Variants in IL6ST observed in about 807,000 individuals in gnomAD.
The protein encoded by IL6ST is interleukin 6 cytokine family signal transducer, also known as interleukin-6 receptor subunit beta.
In IL6ST, 24 loss-of-function variants were observed where a neutral mutation model predicts 91.3. That is an observed-to-expected ratio of 0.26 (90% CI 0.19 to 0.37). IL6ST has a LOEUF of 0.37. Ranked by LOEUF, IL6ST falls within the 10% of genes least tolerant of loss-of-function variation. The probability of loss-of-function intolerance (pLI) is 1.00; values close to 1 mark genes in which losing one functional copy is unlikely to be tolerated. For missense variants in IL6ST, 914 were observed against 1,078.5 expected (o/e 0.85, Z 2.14); for synonymous variants, 351 against 373.6 (o/e 0.94, Z 0.70).
intron 3 of IL6ST, among the ~76,000 whole-genome samples, chr5:55,972,776 G>A (rs1753036024): frequency 6.6e-6 from 1 of 152,090 alleles, no homozygotes; most frequent in African/African-American, 2.4e-5. Flanking sequence ...AGGCCGAGGT[G>A]GATGGATCAC....
chr5:55,955,927 G>C (rs1751927991), intron 10 of IL6ST, 98 bp downstream of exon 10: 1 of 673,850 alleles, frequency 1.5e-6, no homozygotes, highest in Non-Finnish European at 2.7e-6. Flanking sequence ...ATACTGAGGA[G>C]ACAGTCTTAG....
chr5:55,985,520 CA>C (rs34568464), intron 1 of IL6ST, among the ~76,000 whole-genome samples: 162 of 131,186 alleles, frequency 1.2e-3, no homozygotes, highest in Middle Eastern at 8.2e-3. Context: ...GACTCCTTCT[CA>C]AAAAAAAAAA....
chr5:55,953,191 A>C (rs1464363994), intron 11 of IL6ST, among the ~76,000 whole-genome samples: 2 of 152,206 alleles, frequency 1.3e-5, no homozygotes, highest in Non-Finnish European at 2.9e-5. Context: ...TTATACCTTC[A>C]ATAAGAATGT....
At chr5:55,969,502 G>A (rs745370722) in intron 4 of IL6ST, 48 bp downstream of exon 4, 1 of 1,255,958 alleles carries the variant, frequency 8.0e-7, no homozygotes, top group Non-Finnish European at 1.1e-6. Context: ...TAAAAATGCA[G>A]TTCAATAGTC....
At chr5:55,977,623 C>T (rs1453378156) in intron 2 of IL6ST, among the ~76,000 whole-genome samples, 4 of 151,938 alleles carry the variant, frequency 2.6e-5, no homozygotes, top group African/African-American at 9.7e-5. Context: ...GTCAGGAGTT[C>T]GAGACGAGCC....
chr5:55,990,776 G>A (rs577953894), intron 1 of IL6ST, among the ~76,000 whole-genome samples: 1 of 151,986 alleles, frequency 6.6e-6, no homozygotes, highest in African/African-American at 2.4e-5. Flanking sequence ...TTAAGTTCTA[G>A]GGTACATGTG....
chr5:55,944,607 T>A (rs1238427306), intron 15 of IL6ST: 38 of 625,650 alleles, frequency 6.1e-5, no homozygotes, highest in Non-Finnish European at 4.1e-5. Flanking sequence ...GCGTTAAGAC[T>A]GCAGTTCTCT....
Position 55,951,461 on chromosome 5 carries a change from T to A in IL6ST, c.1840+3A>T. On this transcript the variant is annotated splice_donor_region_variant and intron_variant, in intron 14 of 16. Coordinates refer to ENST00000381298, the MANE Select transcript of IL6ST (RefSeq NM_002184.4). ...AAAAAAACCAAACTTCATTATTTCT[T>A]ACCAAACTTTGGGGTAGTAAAAGTG... 1 of 1,606,576 alleles carries A rather than the reference T, an allele frequency of 6.2e-7. No homozygotes were observed. The highest frequency in any genetic ancestry group is 8.5e-7 in the Non-Finnish European group (1 of 1,177,284).
At chr5:55,988,060 G>T (rs192311629) in intron 1 of IL6ST, among the ~76,000 whole-genome samples, 2 of 151,760 alleles carry the variant, frequency 1.3e-5, no homozygotes, top group Admixed American at 1.3e-4. Flanking sequence ...GAACCCGGGA[G>T]GCAGAGGTTG....
intron 1 of IL6ST, among the ~76,000 whole-genome samples, chr5:55,987,702 G>A (rs182776290): frequency 6.6e-6 from 1 of 152,076 alleles, no homozygotes; most frequent in Non-Finnish European, 1.5e-5. Flanking sequence ...ACCCATCTAG[G>A]AATGTTATGA....
chr5:55,954,739 T>C, intron 11 of IL6ST, 71 bp downstream of exon 11: 1 of 1,199,400 alleles, frequency 8.3e-7, no homozygotes, highest in Non-Finnish European at 1.2e-6. Context: ...CAAAACACTA[T>C]AAGCAAAAGA....
At chr5:55,958,034 T>C (rs1255135600) in intron 8 of IL6ST, among the ~76,000 whole-genome samples, 3 of 152,212 alleles carry the variant, frequency 2.0e-5, no homozygotes, top group Admixed American at 6.5e-5. Context: ...TTGAGAGTGA[T>C]GGGATGTAAT....
intron 1 of IL6ST, among the ~76,000 whole-genome samples, chr5:55,992,587 T>A (rs894324636): frequency 6.6e-6 from 1 of 152,256 alleles, no homozygotes; most frequent in Non-Finnish European, 1.5e-5. Context: ...ATATATTGCC[T>A]GTTTTAATTA....
chr5:55,937,616 T>C lies in IL6ST; in HGVS notation c.*3466A>G, dbSNP rs1750621906. Reference sequence around the variant, plus strand: ...CAATTTTAGGCTAATCCTAAAACACTTGCCATTTTATGACTCCATATTCTT... The same window carrying C: ...CAATTTTAGGCTAATCCTAAAACACCTGCCATTTTATGACTCCATATTCTT... On this transcript the variant is annotated 3_prime_UTR_variant, in exon 17 of 17. Coordinates refer to ENST00000381298, the MANE Select transcript of IL6ST (RefSeq NM_002184.4). The C allele has an allele frequency of 1.0e-5, 2 of 199,622 alleles. No homozygotes were observed. Among genetic ancestry groups the C allele is most frequent in the South Asian group, 3.8e-4 (2 of 5,244 alleles). The allele number at this position is 199,622 out of a possible 1,614,324, so 12.4% of individuals were successfully genotyped here.
At position 55,940,524 on chromosome 5, in the gene IL6ST, C is replaced by T; in HGVS notation, c.*558G>A. 4.7e-6 allele frequency: 1 copy of T among 213,300 alleles called. No individual in the cohort carries two copies. Among genetic ancestry groups the T allele is most frequent in the Non-Finnish European group, 9.5e-6 (1 of 105,276 alleles). The allele number at this position is 213,300 out of a possible 1,614,324, so 13.2% of individuals were successfully genotyped here. ...ACCAATGGAAGGGACCTAAGGAATA[C>T]CGTGTACACTGATATACACGAAGCT... On this transcript the variant is annotated 3_prime_UTR_variant, in exon 17 of 17. Transcript: ENST00000381298.
Position 55,964,266 on chromosome 5 carries a change from TG to T in IL6ST, c.537del (p.Thr180ProfsTer19). ...FADCKAKRDTPTSCTVDYSTV... is the reference protein window; with the variant it reads ...FADCKAKRDTXTSCTVDYSTV... ...GTAGAATAATCAACAGTGCATGAGG[TG>T]GGGGTGTCACGTTTTGCTTTGCAAT... On this transcript the variant is annotated frameshift_variant, in exon 6 of 17. Transcript: ENST00000381298. LOFTEE classifies it high-confidence loss of function. The T allele has an allele frequency of 6.2e-7, 1 of 1,612,086 alleles. No homozygotes were observed. Among genetic ancestry groups the T allele is most frequent in the South Asian group, 1.1e-5 (1 of 90,826 alleles).
At position 55,936,346 on chromosome 5, in the gene IL6ST, T is replaced by TTG. The variant is rs1429289093; in HGVS notation, c.*4735_*4736insCA. 1.6e-4 allele frequency: 33 copies of TTG among 203,488 alleles called. No homozygotes were observed. The highest frequency in any genetic ancestry group is 7.9e-4 in the African/African-American group (33 of 41,650). 12.6% of individuals were successfully genotyped at this position (203,488 alleles called of 1,614,324 possible). ...GGCTCTTGACAACCAAGTAGGTTTT[T>TTG]TTTTTTTTTTTTTTTTTTAATGTCC... On this transcript the variant is annotated 3_prime_UTR_variant, in exon 17 of 17. Coordinates refer to ENST00000381298, the MANE Select transcript of IL6ST (RefSeq NM_002184.4).
chr5:55,985,452 G>T (rs1753910216), intron 1 of IL6ST, among the ~76,000 whole-genome samples: 1 of 151,678 alleles, frequency 6.6e-6, no homozygotes, highest in South Asian at 2.1e-4. Context: ...GGGAGGCAGA[G>T]GAGGCTGCAA....
chr5:55,964,601 T>C (rs1752534129), intron 5 of IL6ST, among the ~76,000 whole-genome samples: 1 of 152,170 alleles, frequency 6.6e-6, no homozygotes, highest in Non-Finnish European at 1.5e-5. Flanking sequence ...ATCTATTTCC[T>C]TGTGATCCCA....
Sources: gnomAD v4.1 joint callset for allele counts (sites outside exome capture counted in the v4.1 genomes callset) on GRCh38, gnomAD v4.1.1 for gene constraint, MANE v1.5 for transcripts, NCBI Gene and HGNC (gene_info 2026-07-23, HGNC 2026-07-21) for gene names.